The following RGSL1 variants were observed in gnomAD, a reference collection of about 807,000 sequenced individuals.
RGSL1 encodes regulator of G protein signaling protein-like.
In RGSL1, 97 loss-of-function variants were observed where a neutral mutation model predicts 124.7. The observed-to-expected ratio is 0.78, with a 90% CI of 0.66 to 0.92. RGSL1 has a LOEUF of 0.92. Ranked by LOEUF, RGSL1 falls within the 40% of genes least tolerant of loss-of-function variation. The pLI is 0.00. For missense variants in RGSL1, 1,233 were observed against 1,288.4 expected (o/e 0.96, Z 0.66); for synonymous variants, 424 against 438.1 (o/e 0.97, Z 0.40).
chr1:182,546,141 T>C (rs148003862), intron 15 of RGSL1, among the ~76,000 whole-genome samples: 25 of 152,340 alleles, frequency 1.6e-4, no homozygotes, highest in African/African-American at 5.5e-4. Context: ...TCTCATTATA[T>C]TTGAGTTCTG....
At chr1:182,543,278 T>C (rs191451061) in intron 15 of RGSL1, among the ~76,000 whole-genome samples, 1 of 152,312 alleles carries the variant, frequency 6.6e-6, no homozygotes, top group East Asian at 1.9e-4. Flanking sequence ...TTGAATTTTA[T>C]TGAATGCTTC....
chr1:182,473,165 A>G (rs947087119), intron 5 of RGSL1, among the ~76,000 whole-genome samples: 1 of 152,252 alleles, frequency 6.6e-6, no homozygotes, highest in Non-Finnish European at 1.5e-5. Context: ...CTCTACTCAC[A>G]TAGGTAATTG....
intron 21 of RGSL1, among the ~76,000 whole-genome samples, chr1:182,557,627 T>C (rs187328598): frequency 7.2e-5 from 11 of 152,322 alleles, no homozygotes; most frequent in African/African-American, 2.4e-4. Flanking sequence ...AACTTAGATC[T>C]TTGCCCCATC....
chr1:182,551,880 T>A lies in RGSL1; in HGVS notation c.3043+671T>A, dbSNP rs191787552. On this transcript the variant is annotated intron_variant, in intron 18 of 21. Transcript: ENST00000294854. ...TTTTCTATGTTTAGATATGTTTAGA[T>A]GCACAGATACCATGGTGTCACAATT... 9.8e-5 allele frequency among the ~76,000 whole-genome samples: 15 copies of A among 152,326 alleles called. No individual in the cohort carries two copies. In the East Asian group the frequency reaches 2.7e-3, roughly 27 times the overall value.
chr1:182,527,773 G>A lies in RGSL1; in HGVS notation c.2125+1G>A. 6.5e-7 allele frequency: 1 copy of A among 1,547,036 alleles called. No individual in the cohort carries two copies. Among genetic ancestry groups the A allele is most frequent in the South Asian group, 1.2e-5 (1 of 83,528 alleles). ...TTCTTCCAAGGCCAACTCTCTCCTG[G>A]TATGCATCCTCTTCTGATCCTGTTT... On this transcript the variant is annotated splice_donor_variant, in intron 11 of 21. Transcript: ENST00000294854. LOFTEE classifies it high-confidence loss of function.
intron 18 of RGSL1, among the ~76,000 whole-genome samples, chr1:182,551,689 A>T (rs1165279464): frequency 6.6e-6 from 1 of 152,230 alleles, no homozygotes; most frequent in Non-Finnish European, 1.5e-5. Context: ...AAAAGCATAC[A>T]CATATTTACT....
At chr1:182,552,183 G>A (rs148541916) in intron 18 of RGSL1, among the ~76,000 whole-genome samples, 4,339 of 151,576 alleles carry the variant, frequency 0.029, 225 homozygotes, top group African/African-American at 0.1. Context: ...GCGCAATCTC[G>A]GCTCACTGCA....
intron 18 of RGSL1, among the ~76,000 whole-genome samples, chr1:182,552,361 C>T (rs909946815): frequency 6.6e-6 from 1 of 152,064 alleles, no homozygotes; most frequent in African/African-American, 2.4e-5. Flanking sequence ...TGATCCACCC[C>T]CCTCAGTGTC....
At chr1:182,548,197 C>A in intron 15 of RGSL1, 120 bp from the exon 16 acceptor site, 1 of 1,000,952 alleles carries the variant, frequency 1.0e-6, no homozygotes, top group Non-Finnish European at 1.5e-6. Flanking sequence ...AATAAAGTCA[C>A]AACCTGGCCT....
Position 182,551,200 on chromosome 1 carries a change from T to C in RGSL1, c.3034T>C (p.Ser1012Pro), listed in dbSNP as rs1294444857. Residue 1012 changes from serine (S) to proline (P), a missense_variant, in exon 18 of 22, where the codon TCG becomes CCG. Physicochemically the swap from Ser to Pro is moderately conservative, Grantham distance 74. Transcript: ENST00000294854. Reference protein sequence around the residue: ...PPKSTDKYPFSSGGDNAILRF... With the variant: ...PPKSTDKYPFPSGGDNAILRF... ...TAAATCTACGGACAAGTATCCTTTC[T>C]CGAGTGGAGGTAAGCTCCACCACGA... 1 of 1,550,316 alleles carries C rather than the reference T, an allele frequency of 6.5e-7. No homozygotes were observed. The highest frequency in any genetic ancestry group is 2.4e-5 in the East Asian group (1 of 40,928).
chr1:182,547,657 C>T (rs933705062), intron 15 of RGSL1, among the ~76,000 whole-genome samples: 2 of 152,032 alleles, frequency 1.3e-5, no homozygotes, highest in Admixed American at 6.6e-5. Flanking sequence ...GTCAAGAGAT[C>T]GAGACCATCC....
chr1:182,559,100 A>G (rs1661025857), intron 21 of RGSL1, among the ~76,000 whole-genome samples: 1 of 151,990 alleles, frequency 6.6e-6, no homozygotes, highest in African/African-American at 2.4e-5. Flanking sequence ...ATTCTTCTTC[A>G]CATTTCTTCT....
chr1:182,536,437 G>A lies in RGSL1; in HGVS notation c.2494+3646G>A, dbSNP rs76307552. On this transcript the variant is annotated intron_variant, in intron 14 of 21. Coordinates refer to ENST00000294854, the MANE Select transcript of RGSL1 (RefSeq NM_001137669.2). ...CCACTGATGTATGAAAGTTTCAACC[G>A]TTCCCCATCCTCACCAACCTTTGGT... is the stretch of plus-strand genomic sequence containing the variant. Among the ~76,000 whole-genome samples the A allele has an allele frequency of 3.0e-3, 463 of 152,214 alleles. 3 individuals carry two copies. Among genetic ancestry groups the A allele is most frequent in the African/African-American group, 0.011 (437 of 41,516 alleles).
At chr1:182,462,298 T>G (rs1328962067) in intron 4 of RGSL1, among the ~76,000 whole-genome samples, 1 of 152,118 alleles carries the variant, frequency 6.6e-6, no homozygotes, top group African/African-American at 2.4e-5. Flanking sequence ...AATTAAGATA[T>G]TCCCAGATAA....
intron 14 of RGSL1, among the ~76,000 whole-genome samples, chr1:182,538,869 C>T (rs374344474): frequency 7.2e-5 from 11 of 151,894 alleles, no homozygotes; most frequent in East Asian, 5.8e-4. Flanking sequence ...GATGATGATG[C>T]TTTAAACAAA....
intron 17 of RGSL1, 100 bp downstream of exon 17, chr1:182,548,924 C>G: frequency 7.0e-7 from 1 of 1,424,356 alleles, no homozygotes; most frequent in Non-Finnish European, 9.4e-7. Flanking sequence ...TCGTAGTTTC[C>G]AGTTTCTAGG....
At chr1:182,481,390 G>A (rs867186422) in intron 6 of RGSL1, among the ~76,000 whole-genome samples, 2 of 152,110 alleles carry the variant, frequency 1.3e-5, no homozygotes, top group East Asian at 1.9e-4. Flanking sequence ...TGACTAAGTC[G>A]AGAAGAAATT....
At chr1:182,537,472 C>T (rs1188382388) in intron 14 of RGSL1, among the ~76,000 whole-genome samples, 6 of 152,298 alleles carry the variant, frequency 3.9e-5, no homozygotes, top group South Asian at 4.1e-4. Flanking sequence ...AGTATAAGAA[C>T]CTTAAAATAG....
At chr1:182,503,788 G>T (rs1251159552) in intron 9 of RGSL1, among the ~76,000 whole-genome samples, 1 of 152,072 alleles carries the variant, frequency 6.6e-6, no homozygotes, top group Non-Finnish European at 1.5e-5. Flanking sequence ...AAGGATAAAT[G>T]CTTGAGTGGA....
Sources: allele counts gnomAD v4.1 joint callset (sites outside exome capture counted in the v4.1 genomes callset), GRCh38; gene constraint gnomAD v4.1.1; transcripts MANE v1.5; gene names NCBI Gene and HGNC (gene_info 2026-07-23, HGNC 2026-07-21).